RAD54L2: variants seen among roughly 807,000 people sequenced by gnomAD.
RAD54L2 encodes the protein RAD54 like 2.
A neutral mutation model predicts 138.4 loss-of-function variants in RAD54L2; 27 were observed. That is an observed-to-expected ratio of 0.20 (90% CI 0.14 to 0.27). The LOEUF (loss-of-function observed/expected upper bound fraction) is 0.27, where lower values mean the gene tolerates loss of function less well. Ranked by LOEUF, RAD54L2 falls within the 10% of genes least tolerant of loss-of-function variation. RAD54L2 has a pLI of 1.00. For synonymous variants in RAD54L2, 644 were observed against 723.2 expected, an observed-to-expected ratio of 0.89 and a Z score of 1.76; for missense variants, 1,396 against 1,890.2, an observed-to-expected ratio of 0.74 and a Z score of 4.85.
intron 3 of RAD54L2, among the ~76,000 whole-genome samples, chr3:51,612,597 G>T (rs1311657116): frequency 6.6e-6 from 1 of 151,382 alleles, no homozygotes; most frequent in East Asian, 1.9e-4. Flanking sequence ...TTGTATTCTA[G>T]ATATACTAAT....
At chr3:51,582,415 G>C (rs1699628696) in intron 2 of RAD54L2, among the ~76,000 whole-genome samples, 1 of 151,826 alleles carries the variant, frequency 6.6e-6, no homozygotes, top group Non-Finnish European at 1.5e-5. Context: ...TTTTACACTG[G>C]TCTGATGTTT....
rs922776266 is a variant in RAD54L2, at chr3:51,630,711, T to C, written c.605T>C (p.Ile202Thr). Residue 202 changes from isoleucine to threonine, a missense_variant, in exon 7 of 23, where the codon ATT becomes ACT. By Grantham distance (89) the Ile-to-Thr change is moderately conservative (BLOSUM62 -1). Transcript: ENST00000684192. ...CTTTTTTTTGCTGTCTCAGAGGTGA[T>C]TGAACTGAGCTCTGGAGAGGAGGAC... The part of the protein sequence containing the change: ...EDEKSSRDEV[I>T]ELSSGEEDTL... 1 of 1,613,678 alleles carries C rather than the reference T, an allele frequency of 6.2e-7. No individual in the cohort carries two copies. The highest frequency in any genetic ancestry group is 8.5e-7 in the Non-Finnish European group (1 of 1,179,696).
At chr3:51,631,015 AG>A (rs1417605311) in intron 7 of RAD54L2, 84 bp downstream of exon 7, 114 of 1,332,798 alleles carry the variant, frequency 8.6e-5, no homozygotes, top group Non-Finnish European at 1.2e-4. Context: ...TTAGCGTCAC[AG>A]CCTGTGAAGT....
intron 2 of RAD54L2, among the ~76,000 whole-genome samples, chr3:51,546,615 A>G (rs1489581989): frequency 6.6e-6 from 1 of 151,672 alleles, no homozygotes; most frequent in Non-Finnish European, 1.5e-5. Context: ...ACTCCAGCCC[A>G]GGCAACAAGA....
intron 19 of RAD54L2, among the ~76,000 whole-genome samples, chr3:51,651,676 A>T (rs4687769): frequency 0.068 from 10,363 of 152,250 alleles, 910 homozygotes; most frequent in East Asian, 0.33. Flanking sequence ...ACAGAACCAA[A>T]GACAAAAACC....
chr3:51,624,893 C>G (rs1488953524), intron 3 of RAD54L2, among the ~76,000 whole-genome samples: 1 of 152,160 alleles, frequency 6.6e-6, no homozygotes, highest in East Asian at 1.9e-4. Context: ...TCACAATTCC[C>G]TGATTCAGCC....
chr3:51,601,303 C>T (rs1173084282), intron 3 of RAD54L2, among the ~76,000 whole-genome samples: 4 of 148,624 alleles, frequency 2.7e-5, no homozygotes, highest in Admixed American at 6.7e-5. Flanking sequence ...TGAACCACTG[C>T]GCCCGGCTTT....
intron 19 of RAD54L2, among the ~76,000 whole-genome samples, chr3:51,648,904 G>A (rs564712028): frequency 7.4e-4 from 112 of 152,218 alleles, no homozygotes; most frequent in Non-Finnish European, 1.3e-3. Context: ...TCCTCCAAAG[G>A]ATCACAGCTC....
intron 18 of RAD54L2, 62 bp from the exon 19 acceptor site, chr3:51,646,223 A>G (rs1701274660): frequency 6.8e-7 from 1 of 1,465,978 alleles, no homozygotes; most frequent in Non-Finnish European, 9.3e-7. Context: ...TTGGTCCTAA[A>G]GTAAGGCTCA....
Position 51,561,544 on chromosome 3 carries a change from C to T in RAD54L2, c.-55+19894C>T, listed in dbSNP as rs557865462. ...ATAGGCGTGAGCCACCACGCCCGGCCGAAATTCCCTTTTATCTTTTTCTTT... is the reference window on the plus strand; with the variant it reads ...ATAGGCGTGAGCCACCACGCCCGGCTGAAATTCCCTTTTATCTTTTTCTTT... On this transcript the variant is annotated intron_variant, in intron 2 of 22. Coordinates refer to ENST00000684192, the MANE Select transcript of RAD54L2 (RefSeq NM_015106.4). Among the ~76,000 whole-genome samples the T allele has an allele frequency of 1.1e-4, 17 of 151,630 alleles. No individual in the cohort carries two copies. In the East Asian group the frequency reaches 3.1e-3, roughly 28 times the overall value.
intron 2 of RAD54L2, among the ~76,000 whole-genome samples, chr3:51,566,032 G>A (rs1699209093): frequency 6.6e-6 from 1 of 151,404 alleles, no homozygotes; most frequent in Non-Finnish European, 1.5e-5. Flanking sequence ...GTTTCACCAT[G>A]TTAGCCAGGA....
intron 2 of RAD54L2, among the ~76,000 whole-genome samples, chr3:51,569,206 T>G (rs901489890): frequency 2.0e-5 from 3 of 152,136 alleles, no homozygotes; most frequent in African/African-American, 7.2e-5. Context: ...GTCTTCCTAA[T>G]TATTTATAGA....
chr3:51,618,142 T>C (rs1700491012), intron 3 of RAD54L2, among the ~76,000 whole-genome samples: 1 of 150,684 alleles, frequency 6.6e-6, no homozygotes, highest in African/African-American at 2.4e-5. Flanking sequence ...GTATTTTTTT[T>C]TTTTTTTTTT....
chr3:51,627,486 G>T, intron 3 of RAD54L2, 67 bp from the exon 4 acceptor site: 1 of 1,443,196 alleles, frequency 6.9e-7, no homozygotes. Context: ...GAACCCAGGT[G>T]TGTCTGTCAT....
At chr3:51,552,259 G>C (rs1222686500) in intron 2 of RAD54L2, among the ~76,000 whole-genome samples, 1 of 151,798 alleles carries the variant, frequency 6.6e-6, no homozygotes, top group Non-Finnish European at 1.5e-5. Flanking sequence ...ATACTTGCTA[G>C]AATAGGAATC....
At chr3:51,623,186 T>C (rs1700604096) in intron 3 of RAD54L2, among the ~76,000 whole-genome samples, 1 of 152,242 alleles carries the variant, frequency 6.6e-6, no homozygotes, top group Non-Finnish European at 1.5e-5. Flanking sequence ...AAGTGTAGTC[T>C]ACAATTTCAT....
chr3:51,539,308 T>C (rs1322533236), intron 1 of RAD54L2, among the ~76,000 whole-genome samples: 1 of 152,068 alleles, frequency 6.6e-6, no homozygotes, highest in Non-Finnish European at 1.5e-5. Flanking sequence ...GTGTGTCTAA[T>C]CCCTAAGGCG....
chr3:51,646,498 G>A lies in RAD54L2; in HGVS notation c.3026+17G>A. 1 of 1,590,768 alleles carries A rather than the reference G, an allele frequency of 6.3e-7. No homozygotes were observed. Among genetic ancestry groups the A allele is most frequent in the African/African-American group, 1.3e-5 (1 of 74,166 alleles). ...GAGAAACTGGTGAGTTGCTGAAAGGGGAGGGTCTGCTGCTGGGCCAGGCAC... is the reference window on the plus strand; with the variant it reads ...GAGAAACTGGTGAGTTGCTGAAAGGAGAGGGTCTGCTGCTGGGCCAGGCAC... On this transcript the variant is annotated intron_variant, in intron 19 of 22. Transcript: ENST00000684192.
At chr3:51,626,525 A>C (rs939774712) in intron 3 of RAD54L2, among the ~76,000 whole-genome samples, 1 of 127,472 alleles carries the variant, frequency 7.8e-6, no homozygotes, top group African/African-American at 3.0e-5. Flanking sequence ...GCTCACTGCA[A>C]CCTCCGCCTC....
Sources: allele counts gnomAD v4.1 joint callset (sites outside exome capture counted in the v4.1 genomes callset), GRCh38; gene constraint gnomAD v4.1.1; transcripts MANE v1.5; gene names NCBI Gene and HGNC (gene_info 2026-07-23, HGNC 2026-07-21).